The following CEP112 variants were observed in gnomAD, a reference collection of about 807,000 sequenced individuals.
CEP112 encodes centrosomal protein 112.
Under a neutral mutation model 153.0 loss-of-function variants are expected in CEP112, and 127 were observed. The ratio of observed to expected loss-of-function variants is 0.83; its 90% CI spans 0.72 to 0.96. The LOEUF is 0.96. Among genes scored for constraint, CEP112 ranks in the 40% least tolerant of loss-of-function variants. CEP112 has a pLI of 0.00. For missense variants in CEP112, 1,089 were observed against 1,101.2 expected (o/e 0.99, Z 0.16); for synonymous variants, 358 against 374.4 (o/e 0.96, Z 0.51).
chr17:66,031,700 A>C (rs551065479), intron 12 of CEP112, among the ~76,000 whole-genome samples: 1 of 151,888 alleles, frequency 6.6e-6, no homozygotes, highest in Non-Finnish European at 1.5e-5. Flanking sequence ...GGCCTCATGC[A>C]ATTCACCCTT....
intron 18 of CEP112, among the ~76,000 whole-genome samples, chr17:65,929,779 C>T (rs1221013698): frequency 6.6e-6 from 1 of 152,172 alleles, no homozygotes; most frequent in Non-Finnish European, 1.5e-5. Context: ...GCACAGTGTA[C>T]CCAACTTGGT....
At chr17:66,070,368 T>C (rs984169430) in intron 8 of CEP112, among the ~76,000 whole-genome samples, 2 of 152,200 alleles carry the variant, frequency 1.3e-5, no homozygotes. Context: ...TTCATTTCAG[T>C]AAGTCTCTTC....
At chr17:65,735,956 A>G (rs910677442) in intron 23 of CEP112, among the ~76,000 whole-genome samples, 3 of 152,304 alleles carry the variant, frequency 2.0e-5, no homozygotes, top group Middle Eastern at 3.4e-3. Context: ...CCTGTAGGTA[A>G]TGGAAAGCCA....
chr17:66,129,684 T>G, intron 6 of CEP112, 62 bp downstream of exon 6: 1 of 1,149,538 alleles, frequency 8.7e-7, no homozygotes, highest in Non-Finnish European at 1.3e-6. Context: ...GTTCAGATAT[T>G]ATACACATAC....
chr17:65,837,626 T>G (rs1011145366), intron 21 of CEP112, among the ~76,000 whole-genome samples: 2 of 152,160 alleles, frequency 1.3e-5, no homozygotes, highest in Non-Finnish European at 2.9e-5. Flanking sequence ...ATGATGACGA[T>G]GGCAGTTTTG....
In CEP112 at chr17:65,758,256, A is replaced by T. The variant is rs1487383924; in HGVS notation, c.2395-7532T>A. On this transcript the variant is annotated intron_variant, in intron 21 of 26. Transcript: ENST00000535342. ...TTCTTTCTGACTGTTGCCATTTCTG[A>T]TTGGTTGTGCCCGTCCTCCTCCAGA... Among the ~76,000 whole-genome samples the T allele has an allele frequency of 2.0e-5, 3 of 151,876 alleles. No individual in the cohort carries two copies. The South Asian group carries it at 6.3e-4, about 32-fold the overall frequency.
intron 4 of CEP112, among the ~76,000 whole-genome samples, chr17:66,164,520 G>A (rs1210845485): frequency 8.6e-5 from 12 of 138,904 alleles, no homozygotes; most frequent in Non-Finnish European, 1.8e-4. Context: ...TCGCGCCACT[G>A]CACTCCAGCC....
At chr17:65,643,518 C>T (rs2045263841) in intron 24 of CEP112, among the ~76,000 whole-genome samples, 1 of 150,356 alleles carries the variant, frequency 6.7e-6, no homozygotes, top group African/African-American at 2.5e-5. Flanking sequence ...CTAGGCTGGT[C>T]TTGAACTCTT....
intron 17 of CEP112, among the ~76,000 whole-genome samples, chr17:65,961,846 G>C (rs2062216322): frequency 6.6e-6 from 1 of 152,180 alleles, no homozygotes; most frequent in Non-Finnish European, 1.5e-5. Flanking sequence ...ACAAAACTGA[G>C]TAAAACCATG....
At chr17:66,072,590 T>C (rs1411935649) in intron 8 of CEP112, among the ~76,000 whole-genome samples, 1 of 152,234 alleles carries the variant, frequency 6.6e-6, no homozygotes, top group Non-Finnish European at 1.5e-5. Context: ...ACTAAAGTGA[T>C]ACTGTGTCCT....
intron 24 of CEP112, among the ~76,000 whole-genome samples, chr17:65,655,797 A>C (rs1157343750): frequency 6.6e-6 from 1 of 152,238 alleles, no homozygotes. Flanking sequence ...TGTAAAATAA[A>C]CACATGTGAA....
intron 24 of CEP112, among the ~76,000 whole-genome samples, chr17:65,660,247 TTTC>T: frequency 9.5e-6 from 1 of 105,520 alleles, no homozygotes; most frequent in Non-Finnish European, 2.0e-5. Context: ...TCTTTTTTGT[TTTC>T]TTTCTTTTTT....
intron 24 of CEP112, among the ~76,000 whole-genome samples, chr17:65,666,013 C>G (rs2046674436): frequency 6.6e-6 from 1 of 152,190 alleles, no homozygotes. Context: ...CACTGTTCAT[C>G]TGCATTTCAA....
At chr17:65,698,873 C>A (rs1598343580) in intron 23 of CEP112, among the ~76,000 whole-genome samples, 1 of 152,128 alleles carries the variant, frequency 6.6e-6, no homozygotes, top group African/African-American at 2.4e-5. Context: ...CACAGACCAC[C>A]CCTCTTCAGT....
At chr17:65,791,219 T>G (rs2145726905) in intron 21 of CEP112, among the ~76,000 whole-genome samples, 1 of 152,302 alleles carries the variant, frequency 6.6e-6, no homozygotes, top group South Asian at 2.1e-4. Flanking sequence ...AGAAATAATT[T>G]TGTAAAGCTT....
In CEP112 at chr17:65,668,138, C is replaced by T. The variant is rs534340648; in HGVS notation, c.2697+20991G>A. Among the ~76,000 whole-genome samples, 21 of 152,228 alleles carry T rather than the reference C, an allele frequency of 1.4e-4. 1 individual carries two copies. In the South Asian group the frequency reaches 4.4e-3, roughly 32 times the overall value. ...CTCGAACTCCTGACCTCAAGTGATC[C>T]GCCCACCTCAGCCTCTCAAAGTGCT... On this transcript the variant is annotated intron_variant, in intron 24 of 26. Coordinates refer to ENST00000535342, the MANE Select transcript of CEP112 (RefSeq NM_001199165.4).
At chr17:66,085,126 G>A (rs1334873330) in intron 8 of CEP112, among the ~76,000 whole-genome samples, 1 of 152,040 alleles carries the variant, frequency 6.6e-6, no homozygotes, top group African/African-American at 2.4e-5. Context: ...TGGAAAAAGA[G>A]GCATTCTCTA....
At chr17:66,175,674 T>C (rs2072440084) in intron 3 of CEP112, among the ~76,000 whole-genome samples, 1 of 152,006 alleles carries the variant, frequency 6.6e-6, no homozygotes, top group Admixed American at 6.5e-5. Context: ...AACAGCAGAG[T>C]GAAAAACCTG....
At chr17:65,722,379 G>C (rs934635276) in intron 23 of CEP112, among the ~76,000 whole-genome samples, 1 of 152,148 alleles carries the variant, frequency 6.6e-6, no homozygotes, top group Non-Finnish European at 1.5e-5. Flanking sequence ...CTCCCAACTA[G>C]CTGGGATTAC....
Sources: allele counts gnomAD v4.1 joint callset (sites outside exome capture counted in the v4.1 genomes callset), GRCh38; gene constraint gnomAD v4.1.1; transcripts MANE v1.5; gene names NCBI Gene and HGNC (gene_info 2026-07-23, HGNC 2026-07-21).